NBAS: variants seen among roughly 807,000 people sequenced by gnomAD.
NBAS encodes the protein NAG/BC035112 fusion.
A neutral mutation model predicts 302.5 loss-of-function variants in NBAS; 219 were observed. The observed-to-expected ratio is 0.72, with a 90% CI of 0.65 to 0.81. The LOEUF (loss-of-function observed/expected upper bound fraction) is 0.81, where lower values mean the gene tolerates loss of function less well. Among genes scored for constraint, NBAS ranks in the 30% least tolerant of loss-of-function variants. The pLI is 0.00. For missense variants in NBAS, 2,932 were observed against 2,841.6 expected, an observed-to-expected ratio of 1.03 and a Z score of -0.72; for synonymous variants, 1,118 against 1,021.6, an observed-to-expected ratio of 1.09 and a Z score of -1.80.
At chr2:15,379,521 G>T in intron 30 of NBAS, 81 bp downstream of exon 30, 1 of 1,355,686 alleles carries the variant, frequency 7.4e-7, no homozygotes, top group Non-Finnish European at 1.0e-6. Context: ...TAATATATTT[G>T]GTAAAGAAAA....
At chr2:15,012,183 A>G in the NBAS span, among the ~76,000 whole-genome samples, 1 of 152,180 alleles carries the variant, frequency 6.6e-6, no homozygotes. Flanking sequence ...TAAGAAAAAC[A>G]ATTCATTATG....
At chr2:14,983,717 C>A in the NBAS span, among the ~76,000 whole-genome samples, 1 of 152,178 alleles carries the variant, frequency 6.6e-6, no homozygotes, top group Non-Finnish European at 1.5e-5. Flanking sequence ...TGCTGTCCAT[C>A]TTCAGGGAAA....
the NBAS span, among the ~76,000 whole-genome samples, chr2:14,844,464 G>C: frequency 6.6e-6 from 1 of 152,322 alleles, no homozygotes; most frequent in South Asian, 2.1e-4. Context: ...GTGAGACTCA[G>C]CACATTCCCA....
intron 44 of NBAS, among the ~76,000 whole-genome samples, chr2:15,244,341 G>A (rs1313461212): frequency 6.6e-6 from 1 of 152,136 alleles, no homozygotes; most frequent in African/African-American, 2.4e-5. Context: ...TGTGGCCCAG[G>A]AAGGAAGTGG....
Position 15,292,582 on chromosome 2 carries a change from G to A in NBAS, c.4982C>T (p.Thr1661Ile), listed in dbSNP as rs2148112483. ...LRKGVDVQRF[T>I]ADDQYKRETI... ...TTCCCTTTTATACTGGTCATCTGCA[G>A]TAAACCGCTGCACGTCCACACCCTT... The change falls in exon 41 of 52, where the codon ACT becomes ATT. Residue 1661 changes from threonine (T) to isoleucine (I), a missense_variant. Coordinates refer to ENST00000281513, the MANE Select transcript of NBAS (RefSeq NM_015909.4). 1 of 1,614,184 alleles carries A rather than the reference G, an allele frequency of 6.2e-7. No homozygotes were observed. Among genetic ancestry groups the A allele is most frequent in the Admixed American group, 1.7e-5 (1 of 60,026 alleles).
the NBAS span, among the ~76,000 whole-genome samples, chr2:15,034,276 G>GA: frequency 2.4e-5 from 2 of 81,892 alleles, no homozygotes; most frequent in South Asian, 8.0e-4. Context: ...AAGAAAGAAA[G>GA]AGAGAAAGAA....
At chr2:15,033,781 C>CA in the NBAS span, among the ~76,000 whole-genome samples, 3 of 151,024 alleles carry the variant, frequency 2.0e-5, no homozygotes, top group Admixed American at 6.6e-5. Context: ...ACCCCATCTT[C>CA]AAAAAAAATA....
At chr2:15,004,855 G>A in the NBAS span, among the ~76,000 whole-genome samples, 2 of 152,002 alleles carry the variant, frequency 1.3e-5, no homozygotes, top group Non-Finnish European at 2.9e-5. Flanking sequence ...TCAGGGATCA[G>A]TGAGTGACAG....
At chr2:15,351,893 CACACACACACA>C (rs140799037) in intron 35 of NBAS, 88 bp downstream of exon 35, 1 of 808,156 alleles carries the variant, frequency 1.2e-6, no homozygotes, top group Non-Finnish European at 2.2e-6. Flanking sequence ...CACACACACA[CACACACACACA>C]AAACCCCTCT....
At chr2:14,852,991 C>G in the NBAS span, among the ~76,000 whole-genome samples, 6 of 149,784 alleles carry the variant, frequency 4.0e-5, no homozygotes, top group African/African-American at 1.2e-4. Context: ...CTAGGCATTA[C>G]CATTCAGGAC....
At chr2:14,894,980 C>T in the NBAS span, among the ~76,000 whole-genome samples, 2 of 152,108 alleles carry the variant, frequency 1.3e-5, no homozygotes, top group Non-Finnish European at 1.5e-5. Flanking sequence ...CACTTGAATC[C>T]GGAAGGCAAA....
chr2:15,054,201 A>T, the NBAS span, among the ~76,000 whole-genome samples: 1 of 152,212 alleles, frequency 6.6e-6, no homozygotes, highest in East Asian at 1.9e-4. Flanking sequence ...CAGCAACTTG[A>T]GATAGGTATT....
chr2:15,181,114 G>A (rs1018931618), intron 50 of NBAS, among the ~76,000 whole-genome samples: 1 of 152,120 alleles, frequency 6.6e-6, no homozygotes, highest in Non-Finnish European at 1.5e-5. Flanking sequence ...AAACTTGCTT[G>A]GTACATGCCA....
the NBAS span, among the ~76,000 whole-genome samples, chr2:14,803,417 T>G: frequency 6.6e-6 from 1 of 152,196 alleles, no homozygotes; most frequent in African/African-American, 2.4e-5. Flanking sequence ...TTGCCTTTTG[T>G]ACTCTCACTA....
intron 44 of NBAS, among the ~76,000 whole-genome samples, chr2:15,260,778 T>G (rs982005067): frequency 1.1e-4 from 17 of 151,660 alleles, no homozygotes; most frequent in African/African-American, 4.1e-4. Context: ...AGACCAACAG[T>G]AAGAAACAAT....
At chr2:15,254,932 G>A (rs989396975) in intron 44 of NBAS, among the ~76,000 whole-genome samples, 5 of 152,082 alleles carry the variant, frequency 3.3e-5, no homozygotes, top group East Asian at 3.9e-4. Context: ...GTGTGCACAC[G>A]TGTACCTCAC....
chr2:15,489,409 T>G (rs185469134), intron 11 of NBAS, among the ~76,000 whole-genome samples: 4 of 152,084 alleles, frequency 2.6e-5, no homozygotes, highest in African/African-American at 9.6e-5. Flanking sequence ...TACAAGATTT[T>G]ATATCTACAC....
intron 21 of NBAS, among the ~76,000 whole-genome samples, chr2:15,429,579 G>A (rs1677658995): frequency 6.6e-6 from 1 of 152,110 alleles, no homozygotes; most frequent in Admixed American, 6.5e-5. Flanking sequence ...CTGGGAAGGG[G>A]CAGTGACGAC....
chr2:15,491,271 C>T (rs75177956), intron 11 of NBAS, among the ~76,000 whole-genome samples: 1 of 152,144 alleles, frequency 6.6e-6, no homozygotes, highest in South Asian at 2.1e-4. Context: ...TCTGGAGGTG[C>T]CCTCCCCAAA....
Sources: allele counts gnomAD v4.1 joint callset (sites outside exome capture counted in the v4.1 genomes callset), GRCh38; gene constraint gnomAD v4.1.1; transcripts MANE v1.5; gene names NCBI Gene and HGNC (gene_info 2026-07-23, HGNC 2026-07-21).